FMN2: variants seen among roughly 807,000 people sequenced by gnomAD.
The protein encoded by FMN2 is formin 2.
Under a neutral mutation model 142.3 loss-of-function variants are expected in FMN2, and 51 were observed. The observed-to-expected ratio is 0.36, with a 90% confidence interval of 0.29 to 0.45. The LOEUF is 0.45. Ranked by LOEUF, FMN2 falls within the 20% of genes least tolerant of loss-of-function variation. The pLI is 1.00. For missense variants in FMN2, 1,936 were observed against 2,122.8 expected (o/e 0.91, Z 1.73); for synonymous variants, 882 against 869.8 (o/e 1.01, Z -0.25).
At chr1:240,111,504 G>A (rs1661805766) in intron 1 of FMN2, among the ~76,000 whole-genome samples, 1 of 152,038 alleles carries the variant, frequency 6.6e-6, no homozygotes, top group African/African-American at 2.4e-5. Context: ...GACCATATAG[G>A]GGAACTCCCT....
chr1:240,210,328 C>G (rs538885032), intron 5 of FMN2, among the ~76,000 whole-genome samples: 1 of 151,900 alleles, frequency 6.6e-6, no homozygotes, highest in Non-Finnish European at 1.5e-5. Context: ...GTGTGAATTT[C>G]CTTTGTGTGA....
intron 6 of FMN2, among the ~76,000 whole-genome samples, chr1:240,255,407 C>A (rs559280622): frequency 6.6e-6 from 1 of 152,060 alleles, no homozygotes; most frequent in South Asian, 2.1e-4. Context: ...TGATGGTGCC[C>A]ATTTGTCCAA....
intron 7 of FMN2, among the ~76,000 whole-genome samples, chr1:240,267,269 T>C (rs1668845938): frequency 6.6e-6 from 1 of 151,114 alleles, no homozygotes; most frequent in South Asian, 2.1e-4. Flanking sequence ...AAAAAATAAA[T>C]AGCCTCATGA....
At chr1:240,467,977 GTGA>G (rs1258882240) in intron 16 of FMN2, among the ~76,000 whole-genome samples, 2 of 152,110 alleles carry the variant, frequency 1.3e-5, no homozygotes, top group Non-Finnish European at 2.9e-5. Flanking sequence ...GTCACTAAAA[GTGA>G]TGAATGAAGT....
chr1:240,238,883 A>G (rs1667797223), intron 6 of FMN2, among the ~76,000 whole-genome samples: 1 of 152,230 alleles, frequency 6.6e-6, no homozygotes, highest in South Asian at 2.1e-4. Flanking sequence ...AAAAGCCATT[A>G]TAAACAAAGT....
At chr1:240,374,313 C>T (rs1227601717) in intron 14 of FMN2, among the ~76,000 whole-genome samples, 2 of 152,160 alleles carry the variant, frequency 1.3e-5, no homozygotes, top group East Asian at 3.9e-4. Context: ...CTGCATTAGC[C>T]CCTACAAAGA....
intron 15 of FMN2, among the ~76,000 whole-genome samples, chr1:240,418,773 A>AT (rs1357073774): frequency 6.6e-6 from 1 of 152,030 alleles, no homozygotes; most frequent in South Asian, 2.1e-4. Flanking sequence ...ATCTTTCCTG[A>AT]TTTTGTCAGC....
chr1:240,148,317 C>G (rs896356842), intron 2 of FMN2, among the ~76,000 whole-genome samples: 2 of 141,546 alleles, frequency 1.4e-5, no homozygotes, highest in Non-Finnish European at 3.0e-5. Flanking sequence ...GAGAGACAGA[C>G]AGAAACAGAG....
chr1:240,150,608 C>G (rs16839497), intron 2 of FMN2, among the ~76,000 whole-genome samples: 1,637 of 152,240 alleles, frequency 0.011, 26 homozygotes, highest in African/African-American at 0.038. Context: ...TCAACTCTTA[C>G]CAACGGTGTG....
At chr1:240,461,317 A>G (rs533624110) in intron 16 of FMN2, among the ~76,000 whole-genome samples, 4 of 152,198 alleles carry the variant, frequency 2.6e-5, no homozygotes, top group Non-Finnish European at 5.9e-5. Flanking sequence ...GACAACAACA[A>G]TATCTACCTT....
intron 8 of FMN2, among the ~76,000 whole-genome samples, chr1:240,296,505 C>T (rs1669994941): frequency 1.6e-5 from 2 of 126,554 alleles, no homozygotes; most frequent in African/African-American, 6.2e-5. Context: ...GGTATTTAAG[C>T]CTCTGCTCTT....
chr1:240,129,787 C>G (rs1205111206), intron 2 of FMN2, among the ~76,000 whole-genome samples: 1 of 152,158 alleles, frequency 6.6e-6, no homozygotes, highest in East Asian at 1.9e-4. Context: ...CAGGCATGAG[C>G]CATCACGCCC....
intron 14 of FMN2, among the ~76,000 whole-genome samples, chr1:240,371,919 A>T (rs1204948296): frequency 6.6e-6 from 1 of 152,110 alleles, no homozygotes; most frequent in Non-Finnish European, 1.5e-5. Flanking sequence ...TCTAAGTGAA[A>T]CACTGCTAAA....
At chr1:240,269,919 C>G (rs1172287162) in intron 7 of FMN2, among the ~76,000 whole-genome samples, 2 of 151,922 alleles carry the variant, frequency 1.3e-5, no homozygotes, top group Non-Finnish European at 2.9e-5. Context: ...TCAGTTCTAA[C>G]AGTTTTTTGA....
intron 6 of FMN2, among the ~76,000 whole-genome samples, chr1:240,243,088 TGTAA>T (rs796237426): frequency 1.8e-4 from 27 of 152,032 alleles, no homozygotes; most frequent in African/African-American, 6.5e-4. Context: ...AATACGGTAG[TGTAA>T]GTAAGACTGC....
intron 1 of FMN2, among the ~76,000 whole-genome samples, chr1:240,109,017 C>T (rs532413725): frequency 6.6e-6 from 1 of 152,278 alleles, no homozygotes; most frequent in South Asian, 2.1e-4. Flanking sequence ...GCCTGGGCAA[C>T]AGAGCGAGAC....
chr1:240,447,645 T>C (rs1675873151), intron 16 of FMN2, among the ~76,000 whole-genome samples: 1 of 152,242 alleles, frequency 6.6e-6, no homozygotes. Context: ...CAATTACTTT[T>C]GCACCAACCT....
intron 8 of FMN2, among the ~76,000 whole-genome samples, chr1:240,326,335 G>T (rs567607580): frequency 3.7e-4 from 57 of 152,302 alleles, no homozygotes; most frequent in African/African-American, 1.3e-3. Flanking sequence ...GAAGTGAGCA[G>T]AAATGGTCTA....
chr1:240,144,722 T>C, intron 2 of FMN2: 1 of 1,314,292 alleles, frequency 7.6e-7, no homozygotes, highest in Non-Finnish European at 1.1e-6. Context: ...ATCAATGTCC[T>C]TCTCCAGCAT....
Sources: gnomAD v4.1 joint callset for allele counts (sites outside exome capture counted in the v4.1 genomes callset) on GRCh38, gnomAD v4.1.1 for gene constraint, MANE v1.5 for transcripts, NCBI Gene and HGNC (gene_info 2026-07-23, HGNC 2026-07-21) for gene names.